ITIH4: variants seen among roughly 807,000 people sequenced by gnomAD.
The protein encoded by ITIH4 is inter-alpha-trypsin inhibitor heavy chain 4, also known as inter-alpha-trypsin inhibitor heavy chain H4.
Under a neutral mutation model 111.8 loss-of-function variants are expected in ITIH4, and 79 were observed. That is an observed-to-expected ratio of 0.71 (90% CI 0.59 to 0.85). The LOEUF (loss-of-function observed/expected upper bound fraction) is 0.85, where lower values mean the gene tolerates loss of function less well. Ranked by LOEUF, ITIH4 falls within the 40% of genes least tolerant of loss-of-function variation. ITIH4 has a pLI of 0.00. For synonymous variants in ITIH4, 472 were observed against 468.3 expected, an observed-to-expected ratio of 1.01 and a Z score of -0.10; for missense variants, 1,065 against 1,195.8, an observed-to-expected ratio of 0.89 and a Z score of 1.61.
At chr3:52,821,554 G>A (rs910815094) in intron 11 of ITIH4, among the ~76,000 whole-genome samples, 3 of 152,220 alleles carry the variant, frequency 2.0e-5, no homozygotes, top group Non-Finnish European at 4.4e-5. Flanking sequence ...GACCTTCCCA[G>A]GGGTCAGAGG....
Position 52,830,630 on chromosome 3 carries a change from T to C in ITIH4, c.13A>G (p.Arg5Gly), listed in dbSNP as rs753909134. 1.6e-5 allele frequency: 26 copies of C among 1,608,214 alleles called. No individual in the cohort carries two copies. Among genetic ancestry groups the C allele is most frequent in the Non-Finnish European group, 2.2e-5 (26 of 1,175,558 alleles). Residue 5 changes from arginine (R) to glycine (G), a missense_variant, in exon 1 of 24, where the codon AGG becomes GGG. Transcript: ENST00000266041. The stretch of plus-strand genomic sequence containing the variant: ...ACTTTGCTGCAGGTACGGACAGGCC[T>C]TGGGGGCTTCATCGTGGCTCCAGTG... MKPP[R>G]PVRTCSKVLV...
rs75965412 is a variant in ITIH4, at chr3:52,827,877, C to T, written c.252-680G>A. 9.0e-3 allele frequency among the ~76,000 whole-genome samples: 1,377 copies of T among 152,310 alleles called. 23 individuals carry two copies. Among genetic ancestry groups the T allele is most frequent in the African/African-American group, 0.03 (1,257 of 41,560 alleles). On this transcript the variant is annotated intron_variant, in intron 2 of 23. Transcript: ENST00000266041. ...CCAGGCCATTTCTCAGGGAGGAAAA[C>T]GACTTTTTCAGAGCCTCCTTGTGGG...
In ITIH4 at chr3:52,824,727, C is replaced by A. The variant is rs1700456011; in HGVS notation, c.876+115G>T. Reference sequence around the variant, plus strand: ...TCTGGCCAACCTTGGTTCCTGAGAGCCACCCGCCCCATGGTGCCGAAAGGT... The same window carrying A: ...TCTGGCCAACCTTGGTTCCTGAGAGACACCCGCCCCATGGTGCCGAAAGGT... On this transcript the variant is annotated intron_variant, in intron 7 of 23. Transcript: ENST00000266041. The surrounding 1 kb of genome is among the most constrained non-coding windows in gnomAD (Gnocchi z 4.3). 3 of 1,232,604 alleles carry A rather than the reference C, an allele frequency of 2.4e-6. No individual in the cohort carries two copies. Among genetic ancestry groups the A allele is most frequent in the African/African-American group, 1.5e-5 (1 of 66,368 alleles). 76.4% of individuals were successfully genotyped at this position (1,232,604 alleles called of 1,614,324 possible). A position where few individuals can be genotyped will look rare whatever the true frequency, so the allele number is the denominator to read the frequency against.
intron 11 of ITIH4, 97 bp downstream of exon 11, chr3:52,823,459 A>G: frequency 1.0e-6 from 1 of 990,174 alleles, no homozygotes; most frequent in Non-Finnish European, 1.5e-6. Flanking sequence ...CAGAGGGGAA[A>G]GCTGGAGCTG....
chr3:52,817,186 T>A, intron 20 of ITIH4, 128 bp from the exon 21 acceptor site: 2 of 702,662 alleles, frequency 2.8e-6, no homozygotes, highest in Non-Finnish European at 4.7e-6. Context: ...TCAGGAGGGG[T>A]GCCCCTTTCT....
In ITIH4 at chr3:52,824,456, G is replaced by T. The variant is rs1437480302; in HGVS notation, c.986C>A (p.Ala329Asp). 6.2e-7 allele frequency: 1 copy of T among 1,614,092 alleles called. No individual in the cohort carries two copies. Among genetic ancestry groups the T allele is most frequent in the African/African-American group, 1.3e-5 (1 of 74,940 alleles). The part of the protein sequence containing the change: ...ATQWRPSLVP[A>D]SAENVNKARS... ...GGCCTTGTTCACGTTCTCGGCTGAG[G>T]CTGGCACCAGTGATGGCCTCCACTG... Residue 329 changes from alanine (A) to aspartate (D), a missense_variant, in exon 8 of 24, where the codon GCC (alanine) becomes GAC (aspartate). Coordinates refer to ENST00000266041, the MANE Select transcript of ITIH4 (RefSeq NM_002218.5). This position sits in a 1 kb window ranked among gnomAD's most constrained non-coding sequence, Gnocchi z 4.3.
rs1032161868 is a variant in ITIH4, at chr3:52,824,654, A to AG, written c.877-90dup. On this transcript the variant is annotated intron_variant, in intron 7 of 23. Coordinates refer to ENST00000266041, the MANE Select transcript of ITIH4 (RefSeq NM_002218.5). The surrounding 1 kb of genome is among the most constrained non-coding windows in gnomAD (Gnocchi z 4.3). The stretch of plus-strand genomic sequence containing the variant: ...GCTGGCATCCTTGGACTCCTGTCTC[A>AG]GGGGTGAGGTCATGGTATCTGCTCT... The AG allele has an allele frequency of 6.2e-5, 88 of 1,419,666 alleles. No homozygotes were observed. Among genetic ancestry groups the AG allele is most frequent in the Non-Finnish European group, 8.4e-5 (87 of 1,040,568 alleles). 87.9% of individuals were successfully genotyped at this position (1,419,666 alleles called of 1,614,324 possible).
chr3:52,829,013 TAC>T, intron 2 of ITIH4, 104 bp downstream of exon 2: 3 of 1,077,172 alleles, frequency 2.8e-6, no homozygotes, highest in Non-Finnish European at 3.9e-6. Flanking sequence ...CCTGAAGATG[TAC>T]ACCCTGGCAT....
chr3:52,820,529 G>A, intron 13 of ITIH4, 102 bp downstream of exon 13: 1 of 1,406,560 alleles, frequency 7.1e-7, no homozygotes, highest in Non-Finnish European at 9.7e-7. Flanking sequence ...GAGTCTGTTG[G>A]GGGCACGGTT....
At chr3:52,819,716 G>A in intron 16 of ITIH4, 38 bp downstream of exon 16, 1 of 1,608,426 alleles carries the variant, frequency 6.2e-7, no homozygotes, top group East Asian at 2.2e-5. Flanking sequence ...CCCCCCCAGG[G>A]ATGTCATGCC....
chr3:52,818,361 T>A lies in ITIH4; in HGVS notation c.2153-78A>T. On this transcript the variant is annotated intron_variant, in intron 18 of 23. Transcript: ENST00000266041. ...GTTGAGGGAGGGAGCAGTGACTAGG[T>A]GTGGCTGGGTTCCCTCACTACTTCA... The A allele has an allele frequency of 3.8e-6, 6 of 1,569,976 alleles. No individual in the cohort carries two copies. The South Asian group carries it at 7.0e-5, about 18-fold the overall frequency.
At chr3:52,823,281 T>C (rs956242631) in intron 11 of ITIH4, 1 of 399,234 alleles carries the variant, frequency 2.5e-6, no homozygotes. Flanking sequence ...CCTGAGAGGG[T>C]TGTGGTACCA....
chr3:52,830,311 C>T (rs1457720518), intron 1 of ITIH4: 4 of 595,528 alleles, frequency 6.7e-6, no homozygotes, highest in South Asian at 4.7e-5. Flanking sequence ...TAGAGCCAGG[C>T]TTGTAAAACT....
intron 11 of ITIH4, among the ~76,000 whole-genome samples, chr3:52,821,733 G>A (rs1005141251): frequency 9.9e-5 from 15 of 152,190 alleles, no homozygotes; most frequent in Admixed American, 8.5e-4. Context: ...CCCTCAGGGA[G>A]GGGCCTGTGG....
rs752176347 is a variant in ITIH4, at chr3:52,819,929, T to C, written c.1912+11A>G. On this transcript the variant is annotated intron_variant, in intron 15 of 23. Coordinates refer to ENST00000266041, the MANE Select transcript of ITIH4 (RefSeq NM_002218.5). Reference sequence around the variant, plus strand: ...GTCAATCTCCCCTCCCCCCACCTCCTACTTTGTCACCTGGTTTTGGTATTT... The same window carrying C: ...GTCAATCTCCCCTCCCCCCACCTCCCACTTTGTCACCTGGTTTTGGTATTT... The C allele has an allele frequency of 6.2e-7, 1 of 1,613,084 alleles. No homozygotes were observed. Among genetic ancestry groups the C allele is most frequent in the South Asian group, 1.1e-5 (1 of 91,068 alleles).
chr3:52,818,015 A>T (rs778413872), intron 20 of ITIH4, 37 bp downstream of exon 20: 1 of 1,490,390 alleles, frequency 6.7e-7, no homozygotes, highest in South Asian at 1.1e-5. Flanking sequence ...GGTGTGTGCC[A>T]GTGGTGTCTG....
chr3:52,829,020 TG>T (rs1266226418), intron 2 of ITIH4, 98 bp downstream of exon 2: 1 of 1,139,886 alleles, frequency 8.8e-7, no homozygotes, highest in African/African-American at 1.6e-5. Flanking sequence ...ATGTACACCC[TG>T]GCATGCCTTA....
At chr3:52,820,855 C>T in intron 12 of ITIH4, 70 bp from the exon 13 acceptor site, 1 of 1,557,958 alleles carries the variant, frequency 6.4e-7, no homozygotes, top group Non-Finnish European at 8.7e-7. Flanking sequence ...CCAGCCCCTT[C>T]TGGGGAGGTC....
chr3:52,830,470 G>T (rs527485357), intron 1 of ITIH4, 83 bp downstream of exon 1: 1 of 1,305,916 alleles, frequency 7.7e-7, no homozygotes, highest in Non-Finnish European at 1.1e-6. Flanking sequence ...GTGCTGACAC[G>T]CTGGCACATG....
Sources: gnomAD v4.1 joint callset for allele counts (sites outside exome capture counted in the v4.1 genomes callset) on GRCh38, gnomAD v4.1.1 for gene constraint, Gnocchi (gnomAD v3.1) non-coding constraint, MANE v1.5 for transcripts, NCBI Gene and HGNC (gene_info 2026-07-23, HGNC 2026-07-21) for gene names.